The following NOL9 variants were observed in gnomAD, a reference collection of about 807,000 sequenced individuals.
The protein encoded by NOL9 is nucleolar protein 9.
In NOL9, 28 loss-of-function variants were observed where a neutral mutation model predicts 67.9. That is an observed-to-expected ratio of 0.41 (90% CI 0.31 to 0.57). The LOEUF is 0.57. Ranked by LOEUF, NOL9 falls within the 20% of genes least tolerant of loss-of-function variation. The probability of loss-of-function intolerance (pLI) is 0.25; values close to 1 mark genes in which losing one functional copy is unlikely to be tolerated. For synonymous variants in NOL9, 356 were observed against 352.2 expected, an observed-to-expected ratio of 1.01 and a Z score of -0.12; for missense variants, 777 against 897.0, an observed-to-expected ratio of 0.87 and a Z score of 1.71.
At chr1:6,531,760 C>A (rs531646784) in intron 9 of NOL9, among the ~76,000 whole-genome samples, 7 of 152,292 alleles carry the variant, frequency 4.6e-5, no homozygotes, top group Non-Finnish European at 7.4e-5. Context: ...CATGCCAGCC[C>A]AGCCCCTAGT....
intron 10 of NOL9, among the ~76,000 whole-genome samples, chr1:6,527,417 C>T (rs973876935): frequency 1.3e-5 from 2 of 151,898 alleles, no homozygotes; most frequent in African/African-American, 2.4e-5. Context: ...GAGGCTGAGG[C>T]GGGTACATCG....
intron 5 of NOL9, among the ~76,000 whole-genome samples, chr1:6,544,593 C>G (rs373929744): frequency 1.6e-3 from 218 of 137,014 alleles, no homozygotes; most frequent in Middle Eastern, 0.011. Context: ...ACTCTGAGAC[C>G]AAGTGTCTCC....
At chr1:6,533,491 C>G (rs1330685026) in intron 6 of NOL9, 50 bp from the exon 7 acceptor site, 1 of 1,377,054 alleles carries the variant, frequency 7.3e-7, no homozygotes, top group Non-Finnish European at 9.7e-7. Flanking sequence ...GTGATCAATC[C>G]TGGCTACTTA....
intron 3 of NOL9, among the ~76,000 whole-genome samples, chr1:6,547,681 C>G (rs573097150): frequency 1.3e-5 from 2 of 151,988 alleles, no homozygotes; most frequent in Admixed American, 1.3e-4. Flanking sequence ...ATGGCAAAAT[C>G]CTATCTCTAC....
intron 5 of NOL9, 94 bp downstream of exon 5, chr1:6,544,732 G>A: frequency 7.7e-7 from 1 of 1,301,174 alleles, no homozygotes; most frequent in Non-Finnish European, 1.1e-6. Flanking sequence ...GTAATCTCTA[G>A]CTAGAAGCCA....
intron 6 of NOL9, among the ~76,000 whole-genome samples, chr1:6,536,895 C>T (rs1639168284): frequency 2.0e-5 from 3 of 151,980 alleles, no homozygotes. Context: ...TCTGCCATCT[C>T]CGTGCTTTGG....
At position 6,521,408 on chromosome 1, in the gene NOL9, C is replaced by A. The variant is rs1353585630; in HGVS notation, c.*4446G>T. The A allele has an allele frequency of 6.6e-6, 1 of 152,150 alleles. No homozygotes were observed. Among genetic ancestry groups the A allele is most frequent in the Non-Finnish European group, 1.5e-5 (1 of 68,024 alleles). 9.4% of individuals were successfully genotyped at this position (152,150 alleles called of 1,614,324 possible). A position where few individuals can be genotyped will look rare whatever the true frequency, so the allele number is the denominator to read the frequency against. On this transcript the variant is annotated 3_prime_UTR_variant, in exon 12 of 12. Transcript: ENST00000377705. ...CATCTGTTAACTGAAAAGAGCTGAA[C>A]AGAAACCATACATATTTTGTAAAAT...
In NOL9 at chr1:6,554,380, G is replaced by C. The variant is rs745965923; in HGVS notation, c.123C>G (p.Arg41=). The change falls in exon 1 of 12, where the codon CGC becomes CGG. Residue 41 remains arginine (R), a synonymous_variant. Coordinates refer to ENST00000377705, the MANE Select transcript of NOL9 (RefSeq NM_024654.5). ...RRPRRRLGSL[R]WCGRRRLRWR... ...ACCGTAGGCGCCGCCGACCGCACCA[G>C]CGCAGGCTCCCGAGCCGGCGGCGGG... 1.4e-5 allele frequency: 21 copies of C among 1,483,940 alleles called. No individual in the cohort carries two copies. In the Admixed American group the frequency reaches 5.1e-4, roughly 36 times the overall value. 91.9% of individuals were successfully genotyped at this position (1,483,940 alleles called of 1,614,324 possible).
At chr1:6,532,419 G>A (rs755280476) in intron 8 of NOL9, 44 bp downstream of exon 8, 76 of 1,553,490 alleles carry the variant, frequency 4.9e-5, no homozygotes, top group African/African-American at 1.4e-4. Flanking sequence ...GGTCTTTTTC[G>A]ACGGAAGGAA....
At position 6,544,544 on chromosome 1, in the gene NOL9, C is replaced by CCG. The variant is rs1553183972; in HGVS notation, c.977+281_977+282insCG. Among the ~76,000 whole-genome samples, 15 of 118,708 alleles carry CCG rather than the reference C, an allele frequency of 1.3e-4. 1 individual carries two copies. The highest frequency in any genetic ancestry group is 5.8e-4 in the African/African-American group (14 of 24,052). 77.9% of individuals were successfully genotyped at this position (118,708 alleles called of 152,430 possible). On this transcript the variant is annotated intron_variant, in intron 5 of 11. Transcript: ENST00000377705. ...ACACACACACGCACGCACACACGCA[C>CCG]CCCCCCCCCGCCCCCCACCCCAGAA...
rs1639605556 is a variant in NOL9, at chr1:6,553,963, C to T, written c.396+144G>A. On this transcript the variant is annotated intron_variant, in intron 1 of 11. Transcript: ENST00000377705. ...TCAGGGGAGCCTAGTTGCCACCAAC[C>T]ATCAAGAGGATGGACTTGAATCCGA... The T allele has an allele frequency of 4.7e-6, 3 of 632,044 alleles. No individual in the cohort carries two copies. In the Admixed American group the frequency reaches 1.1e-4, roughly 23 times the overall value. 39.2% of individuals were successfully genotyped at this position (632,044 alleles called of 1,614,324 possible).
chr1:6,528,922 A>G, intron 10 of NOL9, 72 bp downstream of exon 10: 1 of 1,461,578 alleles, frequency 6.8e-7, no homozygotes, highest in Non-Finnish European at 9.5e-7. Flanking sequence ...CAAGGTCAAG[A>G]CCAGTCATCT....
chr1:6,534,764 C>T lies in NOL9; in HGVS notation c.1076-1323G>A, dbSNP rs145317918. ...GGTGTTAAGCCAGAATCGGATGAGTCGGAAACTCATGGCTCTCTGTCTCTC... is the reference window on the plus strand; with the variant it reads ...GGTGTTAAGCCAGAATCGGATGAGTTGGAAACTCATGGCTCTCTGTCTCTC... On this transcript the variant is annotated intron_variant, in intron 6 of 11. Coordinates refer to ENST00000377705, the MANE Select transcript of NOL9 (RefSeq NM_024654.5). 1.5e-4 allele frequency among the ~76,000 whole-genome samples: 23 copies of T among 152,220 alleles called. No individual in the cohort carries two copies. The East Asian group carries it at 2.7e-3, about 18-fold the overall frequency.
Position 6,545,019 on chromosome 1 carries a change from C to G in NOL9, c.880+26G>C, listed in dbSNP as rs762279957. 4 of 1,613,956 alleles carry G rather than the reference C, an allele frequency of 2.5e-6. No homozygotes were observed. The African/African-American group carries it at 4.0e-5, about 16-fold the overall frequency. The stretch of plus-strand genomic sequence containing the variant: ...TCTGGGGGTCTGGTGGACAGACATT[C>G]AGGGTGATCAATGTGTATTACTCAC... On this transcript the variant is annotated intron_variant, in intron 4 of 11. Coordinates refer to ENST00000377705, the MANE Select transcript of NOL9 (RefSeq NM_024654.5).
At position 6,535,174 on chromosome 1, in the gene NOL9, C is replaced by T. The variant is rs75772573; in HGVS notation, c.1076-1733G>A. Among the ~76,000 whole-genome samples, 602 of 152,224 alleles carry T rather than the reference C, an allele frequency of 4.0e-3. 5 individuals carry two copies. Among genetic ancestry groups the T allele is most frequent in the East Asian group, 0.035 (182 of 5,182 alleles). On this transcript the variant is annotated intron_variant, in intron 6 of 11. Transcript: ENST00000377705. ...ATCTATATGCATACATACACATATA[C>T]ATATGTATGTTTGGGTTTAAATATG...
rs201835857 is a variant in NOL9 at position 6,548,138 on chromosome 1, CTTTTTTTTTTTTTT to C, written c.744+1419_744+1432del. On this transcript the variant is annotated intron_variant, in intron 3 of 11. Coordinates refer to ENST00000377705, the MANE Select transcript of NOL9 (RefSeq NM_024654.5). Reference sequence around the variant, plus strand: ...GGTCCGTGCCATGAGACTTAAAGTTCTTTTTTTTTTTTTTTTTTTTTTTTTGAGACGGATTCTCA... The same window carrying C: ...GGTCCGTGCCATGAGACTTAAAGTTCTTTTTTTTTTTGAGACGGATTCTCA... The C allele has an allele frequency of 4.2e-3, 428 of 101,896 alleles. 3 individuals carry two copies. The highest frequency in any genetic ancestry group is 0.014 in the African/African-American group (398 of 28,458). The allele number at this position is 101,896 out of a possible 1,614,324, so 6.3% of individuals were successfully genotyped here.
intron 6 of NOL9, among the ~76,000 whole-genome samples, chr1:6,536,107 G>A (rs573302544): frequency 1.3e-4 from 20 of 152,224 alleles, no homozygotes; most frequent in Admixed American, 9.8e-4. Flanking sequence ...AGCACTTTAG[G>A]AGGCTGAGGC....
chr1:6,542,164 T>TTA (rs1491363014), intron 5 of NOL9, among the ~76,000 whole-genome samples: 2 of 610 alleles, frequency 3.3e-3, no homozygotes, highest in African/African-American at 3.5e-3. Context: ...CTCTTTCAGA[T>TTA]TTTTTTTTTT....
intron 9 of NOL9, among the ~76,000 whole-genome samples, chr1:6,531,336 C>G (rs1161416411): frequency 6.6e-6 from 1 of 152,088 alleles, no homozygotes; most frequent in African/African-American, 2.4e-5. Context: ...GCCTCAGCCT[C>G]CTGAGTAGCT....
Sources: gnomAD v4.1 joint callset for allele counts (sites outside exome capture counted in the v4.1 genomes callset) on GRCh38, gnomAD v4.1.1 for gene constraint, MANE v1.5 for transcripts, NCBI Gene and HGNC (gene_info 2026-07-23, HGNC 2026-07-21) for gene names.